KYAT3: variants seen among roughly 807,000 people sequenced by gnomAD.
KYAT3 encodes kynurenine--oxoglutarate transaminase 3.
A neutral mutation model predicts 59.0 loss-of-function variants in KYAT3; 50 were observed. The ratio of observed to expected loss-of-function variants is 0.85; its 90% CI spans 0.68 to 1.07. The LOEUF is 1.07. Among genes scored for constraint, KYAT3 ranks in the 50% least tolerant of loss-of-function variants. The pLI, the probability that KYAT3 is intolerant of heterozygous loss-of-function variation, is 0.00. For synonymous variants in KYAT3, 148 were observed against 177.0 expected (o/e 0.84, Z 1.30); for missense variants, 497 against 533.3 (o/e 0.93, Z 0.67).
chr1:88,988,966 C>CTGT (rs548728442), intron 1 of KYAT3, among the ~76,000 whole-genome samples: 151 of 152,260 alleles, frequency 9.9e-4, no homozygotes, highest in African/African-American at 3.6e-3. Flanking sequence ...GCTTCTCTAC[C>CTGT]TGTAAGTATA....
chr1:88,926,314 A>G, the KYAT3 span, among the ~76,000 whole-genome samples: 1 of 152,140 alleles, frequency 6.6e-6, no homozygotes, highest in East Asian at 1.9e-4. Flanking sequence ...CCTAGGAGGA[A>G]CTCCCTTCAG....
chr1:88,952,867 A>C (rs1675739372), intron 10 of KYAT3, among the ~76,000 whole-genome samples, 196 bp downstream of exon 10: 1 of 152,224 alleles, frequency 6.6e-6, no homozygotes, highest in South Asian at 2.1e-4. Context: ...TAACACAGCT[A>C]AAATTGTGTT....
intron 2 of KYAT3, among the ~76,000 whole-genome samples, chr1:88,975,405 C>A (rs2101065891): frequency 6.6e-6 from 1 of 152,292 alleles, no homozygotes; most frequent in African/African-American, 2.4e-5. Context: ...CCCACCTTGG[C>A]CTCCCAAAGT....
intron 9 of KYAT3, 101 bp from the exon 10 acceptor site, chr1:88,953,253 C>A: frequency 2.6e-6 from 2 of 776,552 alleles, no homozygotes; most frequent in South Asian, 3.2e-5. Flanking sequence ...ATATACAATC[C>A]TAAAATGTTG....
intron 8 of KYAT3, among the ~76,000 whole-genome samples, chr1:88,960,759 A>C (rs774873081): frequency 2.2e-4 from 34 of 152,298 alleles, no homozygotes; most frequent in East Asian, 3.9e-4. Flanking sequence ...GCAAGGGCCA[A>C]GCAGCATACC....
chr1:88,971,669 G>C (rs1034923078), intron 2 of KYAT3, among the ~76,000 whole-genome samples: 9 of 152,156 alleles, frequency 5.9e-5, no homozygotes, highest in African/African-American at 2.2e-4. Context: ...TCATGCCCTT[G>C]TTGAGAGTGC....
At chr1:88,928,584 G>T in the KYAT3 span, among the ~76,000 whole-genome samples, 2 of 152,210 alleles carry the variant, frequency 1.3e-5, no homozygotes, top group Non-Finnish European at 2.9e-5. Context: ...ATCACTGGAA[G>T]GCCCACTGCC....
chr1:88,984,568 G>A (rs1677332803), intron 2 of KYAT3, among the ~76,000 whole-genome samples: 1 of 152,192 alleles, frequency 6.6e-6, no homozygotes, highest in South Asian at 2.1e-4. Flanking sequence ...AGAATTATTT[G>A]TGCCTGATAC....
At chr1:88,948,288 T>G (rs1675529289) in intron 11 of KYAT3, among the ~76,000 whole-genome samples, 2 of 152,348 alleles carry the variant, frequency 1.3e-5, no homozygotes. Flanking sequence ...ATAACTTCAT[T>G]GTAATAAAAT....
the KYAT3 span, among the ~76,000 whole-genome samples, chr1:88,928,020 C>A: frequency 1.3e-5 from 2 of 152,162 alleles, no homozygotes; most frequent in Non-Finnish European, 2.9e-5. Flanking sequence ...GACACAGAAT[C>A]AGAACATGGA....
intron 5 of KYAT3, among the ~76,000 whole-genome samples, chr1:88,963,902 A>T (rs1212510073): frequency 2.6e-5 from 4 of 152,140 alleles, no homozygotes; most frequent in Non-Finnish European, 5.9e-5. Context: ...TTACCTTCCT[A>T]TTATATTAAT....
intron 2 of KYAT3, among the ~76,000 whole-genome samples, chr1:88,985,838 A>G (rs1677416887): frequency 6.6e-6 from 1 of 152,214 alleles, no homozygotes; most frequent in Admixed American, 6.5e-5. Context: ...GGAGGCAAAG[A>G]GATATTGGGT....
chr1:88,968,705 C>T lies in KYAT3; in HGVS notation c.268G>A (p.Ala90Thr). Reference protein sequence around the residue: ...YVKEELSKIAAIDSLNQYTRG... With the variant: ...YVKEELSKIATIDSLNQYTRG... The stretch of plus-strand genomic sequence containing the variant: ...GTATACTGATTCAGGCTATCGATTG[C>T]TGCAATCTTTGATAATTCTTCTTTT... Residue 90 changes from alanine to threonine, a missense_variant, in exon 4 of 14, where the codon GCA (alanine) becomes ACA (threonine). Ala to Thr is a moderately conservative substitution (Grantham distance 58, BLOSUM62 0). This residue lies in a region of KYAT3 where 469 missense variants were observed against 479.1 expected (regional missense o/e 0.98). Coordinates refer to ENST00000260508, the MANE Select transcript of KYAT3 (RefSeq NM_001008661.3). 1 of 1,596,628 alleles carries T rather than the reference C, an allele frequency of 6.3e-7. No individual in the cohort carries two copies.
At chr1:88,958,304 T>G (rs1416001640) in intron 8 of KYAT3, among the ~76,000 whole-genome samples, 1 of 152,000 alleles carries the variant, frequency 6.6e-6, no homozygotes, top group Non-Finnish European at 1.5e-5. Flanking sequence ...CTTGTTTTCT[T>G]CCCACCTTCA....
chr1:88,968,852 CAATTAT>C (rs774327965), intron 3 of KYAT3, 38 bp from the exon 4 acceptor site: 6 of 1,483,544 alleles, frequency 4.0e-6, no homozygotes, highest in Non-Finnish European at 1.8e-6. Context: ...ATAAGTTCTA[CAATTAT>C]AAAGTTCGCT....
chr1:88,953,680 T>C (rs1675777989), intron 9 of KYAT3, among the ~76,000 whole-genome samples: 1 of 152,182 alleles, frequency 6.6e-6, no homozygotes, highest in African/African-American at 2.4e-5. Flanking sequence ...CACTAAGCTC[T>C]GCCTTTCTGA....
At chr1:88,924,188 G>A in the KYAT3 span, among the ~76,000 whole-genome samples, 1 of 152,220 alleles carries the variant, frequency 6.6e-6, no homozygotes, top group African/African-American at 2.4e-5. Context: ...GGGTCTGGGG[G>A]TTTTATGTGC....
At chr1:88,971,644 T>G (rs1489116935) in intron 2 of KYAT3, among the ~76,000 whole-genome samples, 3 of 152,208 alleles carry the variant, frequency 2.0e-5, no homozygotes, top group African/African-American at 7.2e-5. Context: ...ACCCATTTTC[T>G]TCTCCTGGGG....
chr1:88,941,421 A>G lies in KYAT3; in HGVS notation c.1302+1584T>C, dbSNP rs1246871764. Among the ~76,000 whole-genome samples, 3 of 152,228 alleles carry G rather than the reference A, an allele frequency of 2.0e-5. No individual in the cohort carries two copies. In the East Asian group the frequency reaches 5.8e-4, roughly 29 times the overall value. ...CAGTAACACACTTGGAACCTTTTAA[A>G]AAAGGAGAAGTTTGATAGTGATAAA... On this transcript the variant is annotated intron_variant, in intron 13 of 13. Coordinates refer to ENST00000260508, the MANE Select transcript of KYAT3 (RefSeq NM_001008661.3).
Sources: gnomAD v4.1 joint callset for allele counts (sites outside exome capture counted in the v4.1 genomes callset) on GRCh38, gnomAD v4.1.1 for gene constraint, gnomAD v4.1.1 regional missense constraint, MANE v1.5 for transcripts, NCBI Gene and HGNC (gene_info 2026-07-23, HGNC 2026-07-21) for gene names.